HIPK2: variants seen among roughly 807,000 people sequenced by gnomAD.
HIPK2 encodes the protein homeodomain-interacting protein kinase 2.
HIPK2 carries 27 observed loss-of-function variants against 113.7 expected under a neutral mutation model. That is an observed-to-expected ratio of 0.24 (90% confidence interval 0.17 to 0.33). HIPK2 has a LOEUF of 0.33. Among genes scored for constraint, HIPK2 ranks in the 10% least tolerant of loss-of-function variants. The pLI is 1.00. For missense variants in HIPK2, 1,257 were observed against 1,588.0 expected (o/e 0.79, Z 3.54); for synonymous variants, 631 against 642.2 (o/e 0.98, Z 0.26).
Position 139,708,234 on chromosome 7 carries a change from G to A in HIPK2, c.1103+7698C>T, listed in dbSNP as rs1442867507. 2.0e-5 allele frequency among the ~76,000 whole-genome samples: 3 copies of A among 152,174 alleles called. No homozygotes were observed. In the East Asian group the frequency reaches 5.8e-4, roughly 29 times the overall value. ...ATAAAATAAATAAAGAGGGCAGGAG[G>A]AAACTTTCGGAGGTGATGGATATGC... On this transcript the variant is annotated intron_variant, in intron 2 of 14. Transcript: ENST00000406875.
At chr7:139,577,140 CTTTTT>C (rs966966045) in intron 13 of HIPK2, among the ~76,000 whole-genome samples, 2 of 91,432 alleles carry the variant, frequency 2.2e-5, no homozygotes, top group Non-Finnish European at 4.2e-5. Context: ...ACTGGGCTTC[CTTTTT>C]TTTTTTTTTT....
chr7:139,638,229 G>A lies in HIPK2; in HGVS notation c.1104-6504C>T, dbSNP rs150468642. Among the ~76,000 whole-genome samples, 384 of 152,244 alleles carry A rather than the reference G, an allele frequency of 2.5e-3. 2 individuals are homozygous for A. Among genetic ancestry groups the A allele is most frequent in the African/African-American group, 8.6e-3 (358 of 41,538 alleles). On this transcript the variant is annotated intron_variant, in intron 2 of 14. Transcript: ENST00000406875. ...AGCCACCTGCTGCTCTCTTGCCTTT[G>A]GTTTTAACCTTTTCCAATCCACTCT...
chr7:139,635,058 C>T (rs1381437620), intron 2 of HIPK2, among the ~76,000 whole-genome samples: 1 of 152,216 alleles, frequency 6.6e-6, no homozygotes, highest in African/African-American at 2.4e-5. Context: ...TCTGCCCTCC[C>T]TGTTCTAGAG....
At chr7:139,637,761 G>T (rs1351121454) in intron 2 of HIPK2, among the ~76,000 whole-genome samples, 1 of 152,188 alleles carries the variant, frequency 6.6e-6, no homozygotes, top group East Asian at 1.9e-4. Context: ...TATGGATTAA[G>T]ACAAAGCTCT....
chr7:139,589,815 C>T (rs991402138), intron 12 of HIPK2, among the ~76,000 whole-genome samples: 16 of 152,338 alleles, frequency 1.1e-4, no homozygotes, highest in Admixed American at 9.1e-4. Context: ...ATAAACTCTT[C>T]CCAGGTCCCA....
At chr7:139,658,306 CAA>C (rs56399449) in intron 2 of HIPK2, among the ~76,000 whole-genome samples, 80,386 of 137,534 alleles carry the variant, frequency 0.58, 22,547 homozygotes, top group Non-Finnish European at 0.68. Flanking sequence ...AACTTGGTCT[CAA>C]AAAAAAAAAA....
At chr7:139,603,152 A>G (rs1799496896) in intron 10 of HIPK2, among the ~76,000 whole-genome samples, 1 of 152,058 alleles carries the variant, frequency 6.6e-6, no homozygotes. Flanking sequence ...TCTCGGAGAG[A>G]TCTTAATTCA....
At chr7:139,646,220 G>A (rs1412644533) in intron 2 of HIPK2, among the ~76,000 whole-genome samples, 1 of 152,186 alleles carries the variant, frequency 6.6e-6, no homozygotes, top group African/African-American at 2.4e-5. Flanking sequence ...CTTAAGGCTG[G>A]TGCGGTGGCT....
chr7:139,678,070 T>TG (rs1453977323), intron 2 of HIPK2, among the ~76,000 whole-genome samples: 3 of 152,244 alleles, frequency 2.0e-5, no homozygotes, highest in African/African-American at 7.2e-5. Flanking sequence ...TGGGGTTGTT[T>TG]GTTTTTTTCT....
chr7:139,775,863 T>C (rs1796732825), intron 1 of HIPK2, among the ~76,000 whole-genome samples: 1 of 152,104 alleles, frequency 6.6e-6, no homozygotes, highest in Non-Finnish European at 1.5e-5. Flanking sequence ...TCCACAAAGT[T>C]GACAAAATAC....
chr7:139,667,572 G>C (rs1043013799), intron 2 of HIPK2, among the ~76,000 whole-genome samples: 2 of 152,120 alleles, frequency 1.3e-5, no homozygotes, highest in East Asian at 1.9e-4. Context: ...AATCACTGCT[G>C]CAGGATCCTA....
In HIPK2 at chr7:139,654,333, G is replaced by C. The variant is rs192194623; in HGVS notation, c.1104-22608C>G. 2.8e-3 allele frequency among the ~76,000 whole-genome samples: 432 copies of C among 151,794 alleles called. 2 individuals carry two copies. Among genetic ancestry groups the C allele is most frequent in the African/African-American group, 9.6e-3 (396 of 41,260 alleles). On this transcript the variant is annotated intron_variant, in intron 2 of 14. Coordinates refer to ENST00000406875, the MANE Select transcript of HIPK2 (RefSeq NM_022740.5). ...TTGAGACCAGCCTGGGCAACACAGCGAGACTTTGTCTACAAAAAAAAATCA... is the reference window on the plus strand; with the variant it reads ...TTGAGACCAGCCTGGGCAACACAGCCAGACTTTGTCTACAAAAAAAAATCA...
intron 1 of HIPK2, among the ~76,000 whole-genome samples, chr7:139,741,570 T>C (rs1796099413): frequency 6.6e-6 from 1 of 152,214 alleles, no homozygotes; most frequent in Admixed American, 6.5e-5. Context: ...GCAGGTAGCT[T>C]GAGATCCTGA....
At chr7:139,649,819 A>G (rs913558044) in intron 2 of HIPK2, among the ~76,000 whole-genome samples, 5 of 152,134 alleles carry the variant, frequency 3.3e-5, no homozygotes, top group Non-Finnish European at 5.9e-5. Flanking sequence ...CGTTAGGTTT[A>G]GTAGAGAAGT....
chr7:139,633,444 A>G (rs1332949617), intron 2 of HIPK2, among the ~76,000 whole-genome samples: 1 of 152,056 alleles, frequency 6.6e-6, no homozygotes, highest in Admixed American at 6.5e-5. Flanking sequence ...TTTTCTTTAT[A>G]TAATAGTATT....
chr7:139,702,235 C>T (rs1319245882), intron 2 of HIPK2, among the ~76,000 whole-genome samples: 3 of 152,146 alleles, frequency 2.0e-5, no homozygotes, highest in African/African-American at 7.2e-5. Flanking sequence ...GCCCTGAAAA[C>T]CCACATCTTA....
chr7:139,582,464 T>C (rs1277560857), intron 13 of HIPK2, among the ~76,000 whole-genome samples: 3 of 152,250 alleles, frequency 2.0e-5, no homozygotes, highest in Non-Finnish European at 2.9e-5. Flanking sequence ...CTGGCTCTGA[T>C]GTCAAAGCTG....
chr7:139,625,173 TC>T lies in HIPK2; in HGVS notation c.1619+1427del, dbSNP rs560219812. The stretch of plus-strand genomic sequence containing the variant: ...GCTCTGAACCCTGTCTTAAAAACAA[TC>T]CCCTTGACCCCTCCCCAGTCACCCC... On this transcript the variant is annotated intron_variant, in intron 6 of 14. Transcript: ENST00000406875. 2.6e-4 allele frequency among the ~76,000 whole-genome samples: 39 copies of T among 152,226 alleles called. No individual in the cohort carries two copies. In the South Asian group the frequency reaches 7.9e-3, roughly 31 times the overall value.
chr7:139,757,001 C>T (rs948698358), intron 1 of HIPK2, among the ~76,000 whole-genome samples: 14 of 152,198 alleles, frequency 9.2e-5, no homozygotes, highest in Non-Finnish European at 1.6e-4. Context: ...TCATTCAAAA[C>T]TCCCTTTTCC....
Sources: allele counts gnomAD v4.1 joint callset (sites outside exome capture counted in the v4.1 genomes callset), GRCh38; gene constraint gnomAD v4.1.1; transcripts MANE v1.5; gene names NCBI Gene and HGNC (gene_info 2026-07-23, HGNC 2026-07-21).